The following TDRD9 variants were observed in gnomAD, a reference collection of about 807,000 sequenced individuals.
TDRD9 encodes the protein ATP-dependent RNA helicase TDRD9.
In TDRD9, 124 loss-of-function variants were observed where a neutral mutation model predicts 172.6. That is an observed-to-expected ratio of 0.72 (90% CI 0.62 to 0.83). The LOEUF is 0.83. TDRD9 is among the 40% of genes least tolerant of loss of function. TDRD9 has a pLI of 0.00. For synonymous variants in TDRD9, 619 were observed against 617.1 expected (o/e 1.00, Z -0.05); for missense variants, 1,479 against 1,714.1 (o/e 0.86, Z 2.42).
intron 32 of TDRD9, among the ~76,000 whole-genome samples, chr14:104,039,065 A>G (rs1244790451): frequency 6.6e-6 from 1 of 152,180 alleles, no homozygotes; most frequent in African/African-American, 2.4e-5. Flanking sequence ...CTGCACGACT[A>G]GGGAGGCTTC....
rs1040840751 is a variant in TDRD9, at chr14:104,032,013, G to T, written c.3439-4G>T. 30 of 1,541,398 alleles carry T rather than the reference G, an allele frequency of 1.9e-5. No homozygotes were observed. Among genetic ancestry groups the T allele is most frequent in the Admixed American group, 4.1e-5 (2 of 49,300 alleles). On this transcript the variant is annotated splice_region_variant and splice_polypyrimidine_tract_variant and intron_variant, in intron 29 of 35. Coordinates refer to ENST00000409874, the MANE Select transcript of TDRD9 (RefSeq NM_153046.3). ...GTAACACTTCCTATATTTTGTGCAC[G>T]CAGGCAGAACTTCACGGGCCTTTTA...
At chr14:103,985,258 G>A (rs988083196) in intron 7 of TDRD9, among the ~76,000 whole-genome samples, 8 of 152,274 alleles carry the variant, frequency 5.3e-5, no homozygotes, top group East Asian at 1.9e-4. Flanking sequence ...TGTCCCCACC[G>A]AAATCTCATT....
chr14:103,951,481 A>G (rs573268899), intron 1 of TDRD9, among the ~76,000 whole-genome samples: 1 of 152,364 alleles, frequency 6.6e-6, no homozygotes, highest in South Asian at 2.1e-4. Flanking sequence ...TTGCATAATT[A>G]TAATCGGCAT....
chr14:104,002,718 T>C (rs1337826922), intron 13 of TDRD9, among the ~76,000 whole-genome samples: 1 of 140,182 alleles, frequency 7.1e-6, no homozygotes, highest in Admixed American at 7.2e-5. Flanking sequence ...GGCTAACCTT[T>C]TTTCTTTTCT....
In TDRD9 at chr14:104,040,175, T is replaced by C. The variant is rs565943713; in HGVS notation, c.3717-21T>C. The C allele has an allele frequency of 4.2e-6, 6 of 1,438,416 alleles. No homozygotes were observed. In the East Asian group the frequency reaches 1.6e-4, roughly 38 times the overall value. The allele number at this position is 1,438,416 out of a possible 1,614,324, so 89.1% of individuals were successfully genotyped here. A position where few individuals can be genotyped will look rare whatever the true frequency, so the allele number is the denominator to read the frequency against. Reference sequence around the variant, plus strand: ...TTAACAATTCTGAAATAATGGACTCTTCTGAAAACATTCCATTTAGGATTG... The same window carrying C: ...TTAACAATTCTGAAATAATGGACTCCTCTGAAAACATTCCATTTAGGATTG... On this transcript the variant is annotated intron_variant, in intron 32 of 35. Transcript: ENST00000409874.
chr14:103,981,835 A>G (rs912131694), intron 7 of TDRD9, among the ~76,000 whole-genome samples: 1 of 152,236 alleles, frequency 6.6e-6, no homozygotes, highest in African/African-American at 2.4e-5. Flanking sequence ...GTCTAAAAAT[A>G]TAAGTTAAAT....
intron 7 of TDRD9, among the ~76,000 whole-genome samples, chr14:103,982,185 C>G (rs2033498203): frequency 6.6e-6 from 1 of 152,180 alleles, no homozygotes; most frequent in Non-Finnish European, 1.5e-5. Context: ...CCATTAGTGT[C>G]TCCTTCTCTG....
chr14:104,005,139 C>T, intron 14 of TDRD9, 135 bp from the exon 15 acceptor site: 1 of 779,478 alleles, frequency 1.3e-6, no homozygotes, highest in African/African-American at 1.7e-5. Flanking sequence ...CTCTCCCTCC[C>T]TCAATCCTCT....
chr14:104,035,917 G>A (rs1454615825), intron 32 of TDRD9, among the ~76,000 whole-genome samples: 2 of 152,066 alleles, frequency 1.3e-5, no homozygotes, highest in African/African-American at 2.4e-5. Context: ...GGGCCCCACC[G>A]TTTACTCAGT....
chr14:103,945,548 A>AC (rs2031513630), intron 1 of TDRD9: 1 of 152,224 alleles, frequency 6.6e-6, no homozygotes, highest in East Asian at 1.9e-4. Context: ...CTTGGATTGT[A>AC]TTTATCTTAC....
In TDRD9 at chr14:103,965,563, G is replaced by GGGAGGGA; in HGVS notation, c.642+12_642+18dup. The GGGAGGGA allele has an allele frequency of 6.7e-7, 1 of 1,498,764 alleles. No homozygotes were observed. Among genetic ancestry groups the GGGAGGGA allele is most frequent in the Admixed American group, 2.1e-5 (1 of 47,108 alleles). 92.8% of individuals were successfully genotyped at this position (1,498,764 alleles called of 1,614,324 possible). On this transcript the variant is annotated intron_variant, in intron 4 of 35. Coordinates refer to ENST00000409874, the MANE Select transcript of TDRD9 (RefSeq NM_153046.3). ...GTGTGGTGGGCTACCAGGTGAGACT[G>GGGAGGGA]GGAGGGAGGGAGGGACTAAGAGAGC...
chr14:104,009,661 A>T (rs1016395767), intron 20 of TDRD9, among the ~76,000 whole-genome samples: 12 of 152,150 alleles, frequency 7.9e-5, no homozygotes, highest in South Asian at 2.1e-4. Context: ...ATTAAAAAAA[A>T]TTTTTGGCTC....
In TDRD9 at chr14:104,035,074, G is replaced by A; in HGVS notation, c.3716+18G>A. 2 of 1,543,064 alleles carry A rather than the reference G, an allele frequency of 1.3e-6. No individual in the cohort carries two copies. The highest frequency in any genetic ancestry group is 1.8e-6 in the Non-Finnish European group (2 of 1,140,358). ...GAGTTAAGGTACGGGCATCCCTCTT[G>A]TCTATAGGCTTTGTAAAATAAGAAC... is the stretch of plus-strand genomic sequence containing the variant. On this transcript the variant is annotated intron_variant, in intron 32 of 35. Coordinates refer to ENST00000409874, the MANE Select transcript of TDRD9 (RefSeq NM_153046.3).
rs1485111561 is a variant in TDRD9, at chr14:103,986,253, A to G, written c.1048A>G (p.Lys350Glu). The change falls in exon 8 of 36, where the codon AAG (lysine) becomes GAG (glutamate). Residue 350 changes from lysine (K) to glutamate (E), a missense_variant. Physicochemically the swap from Lys to Glu is moderately conservative, Grantham distance 56 (BLOSUM62 1). This residue lies in a region of TDRD9 where 1,413 missense variants were observed against 1,649.1 expected (regional missense o/e 0.86). Transcript: ENST00000409874. ...PHLLEEPVIT[K>E]DIYEVAVSLI... is the part of the protein sequence containing the mutation. ...TCTCCTGGAGGAACCGGTGATAACT[A>G]AGGATATATATGAAGTTGCTGTCTC... 1.2e-6 allele frequency: 2 copies of G among 1,613,416 alleles called. No homozygotes were observed. Among genetic ancestry groups the G allele is most frequent in the Non-Finnish European group, 1.7e-6 (2 of 1,179,626 alleles).
intron 24 of TDRD9, among the ~76,000 whole-genome samples, chr14:104,023,134 G>A (rs2035013468): frequency 8.0e-6 from 1 of 125,312 alleles, no homozygotes; most frequent in Non-Finnish European, 1.6e-5. Context: ...GTGATGAGCT[G>A]AGATCACGCC....
chr14:104,031,399 C>T, intron 29 of TDRD9, 136 bp downstream of exon 29: 1 of 725,190 alleles, frequency 1.4e-6, no homozygotes, highest in South Asian at 2.1e-5. Context: ...CACAATTGAT[C>T]CTCTTATAAT....
At chr14:104,011,723 T>A (rs2152226146) in intron 20 of TDRD9, among the ~76,000 whole-genome samples, 1 of 152,302 alleles carries the variant, frequency 6.6e-6, no homozygotes, top group South Asian at 2.1e-4. Flanking sequence ...TGGTAACACC[T>A]TTCTTGTTCT....
At chr14:103,964,485 A>G (rs1260161043) in intron 3 of TDRD9, among the ~76,000 whole-genome samples, 1 of 152,116 alleles carries the variant, frequency 6.6e-6, no homozygotes, top group Non-Finnish European at 1.5e-5. Flanking sequence ...TGGTTTTTCC[A>G]CAGCTATCAC....
chr14:103,938,035 A>G (rs921138237), intron 1 of TDRD9, among the ~76,000 whole-genome samples: 9 of 152,032 alleles, frequency 5.9e-5, no homozygotes, highest in Admixed American at 2.0e-4. Context: ...CTCTCTGCCA[A>G]TGAGCAAGCC....
Sources: allele counts gnomAD v4.1 joint callset (sites outside exome capture counted in the v4.1 genomes callset), GRCh38; gene constraint gnomAD v4.1.1; regional missense constraint gnomAD v4.1.1; transcripts MANE v1.5; gene names NCBI Gene and HGNC (gene_info 2026-07-23, HGNC 2026-07-21).